Variants in MALRD1 observed in about 807,000 individuals in gnomAD.
MALRD1 encodes the protein MAM and LDL-receptor class A domain-containing protein 1.
In MALRD1, 247 loss-of-function variants were observed where a neutral mutation model predicts 242.1. That is an observed-to-expected ratio of 1.02 (90% CI 0.92 to 1.13). MALRD1 has a LOEUF of 1.13. MALRD1 is among the 50% of genes most tolerant of loss of function. The pLI is 0.00. For synonymous variants in MALRD1, 995 were observed against 866.6 expected, an observed-to-expected ratio of 1.15 and a Z score of -2.60; for missense variants, 2,989 against 2,533.1, an observed-to-expected ratio of 1.18 and a Z score of -3.86.
In MALRD1 at chr10:19,245,295, A is replaced by G. The variant is rs139072666; in HGVS notation, c.2992-12389A>G. Among the ~76,000 whole-genome samples, 276 of 152,252 alleles carry G rather than the reference A, an allele frequency of 1.8e-3. 3 individuals are homozygous for G. The highest frequency in any genetic ancestry group is 6.3e-3 in the African/African-American group (263 of 41,576). Reference sequence around the variant, plus strand: ...GGTAGTAGAAATAAATAGAGAGCTCATCTGAATTACAAATGATTTTTTTGT... The same window carrying G: ...GGTAGTAGAAATAAATAGAGAGCTCGTCTGAATTACAAATGATTTTTTTGT... On this transcript the variant is annotated intron_variant, in intron 18 of 39. Transcript: ENST00000454679.
intron 38 of MALRD1, among the ~76,000 whole-genome samples, chr10:19,703,662 A>T (rs1589422105): frequency 6.6e-6 from 1 of 152,214 alleles, no homozygotes; most frequent in Non-Finnish European, 1.5e-5. Flanking sequence ...TGGGAGGCCA[A>T]GGCGGGTGGA....
chr10:19,280,326 C>T, intron 20 of MALRD1, 103 bp downstream of exon 20: 1 of 862,564 alleles, frequency 1.2e-6, no homozygotes, highest in Non-Finnish European at 1.6e-6. Flanking sequence ...ATATATTCAA[C>T]ATGAGTTAGA....
intron 21 of MALRD1, among the ~76,000 whole-genome samples, chr10:19,309,493 G>C (rs1366966369): frequency 6.6e-6 from 1 of 151,374 alleles, no homozygotes; most frequent in Non-Finnish European, 1.5e-5. Flanking sequence ...TTGTTAAAAG[G>C]TACTATACTG....
intron 28 of MALRD1, among the ~76,000 whole-genome samples, chr10:19,445,942 C>G (rs190590500): frequency 2.2e-4 from 33 of 152,292 alleles, no homozygotes; most frequent in African/African-American, 7.7e-4. Flanking sequence ...GTGGTGGGCT[C>G]CACCCAGATT....
intron 13 of MALRD1, among the ~76,000 whole-genome samples, chr10:19,168,845 C>T (rs879373174): frequency 1.3e-5 from 2 of 152,102 alleles, no homozygotes; most frequent in Non-Finnish European, 2.9e-5. Context: ...TTCGAGGCCT[C>T]GGTCACATTG....
chr10:19,607,455 C>T (rs570914647), intron 34 of MALRD1, among the ~76,000 whole-genome samples: 1 of 152,014 alleles, frequency 6.6e-6, no homozygotes, highest in Non-Finnish European at 1.5e-5. Context: ...CCTTTGTTAC[C>T]TTCTTAAAGC....
At chr10:19,360,055 A>T (rs893324646) in intron 26 of MALRD1, among the ~76,000 whole-genome samples, 2 of 152,078 alleles carry the variant, frequency 1.3e-5, no homozygotes, top group Non-Finnish European at 2.9e-5. Flanking sequence ...TGGGAAATTT[A>T]AAAAGAGAAA....
intron 28 of MALRD1, among the ~76,000 whole-genome samples, chr10:19,422,394 A>C (rs1199768834): frequency 6.6e-6 from 1 of 152,236 alleles, no homozygotes; most frequent in East Asian, 1.9e-4. Context: ...GAGAGTAAAC[A>C]CAGAAAAACA....
intron 28 of MALRD1, among the ~76,000 whole-genome samples, chr10:19,412,339 G>A (rs968905300): frequency 2.6e-5 from 4 of 152,104 alleles, no homozygotes. Flanking sequence ...TTAAATGACA[G>A]CAATGAGCTT....
chr10:19,530,432 A>ATT (rs1554793511), intron 31 of MALRD1, among the ~76,000 whole-genome samples: 17,592 of 40,238 alleles, frequency 0.44, 5,181 homozygotes, highest in Non-Finnish European at 0.59. Context: ...AATATATAAT[A>ATT]TATATAATAT....
chr10:19,355,858 T>TATATATTTATATA (rs57813656), intron 26 of MALRD1, among the ~76,000 whole-genome samples: 1 of 94,924 alleles, frequency 1.1e-5, no homozygotes, highest in African/African-American at 3.7e-5. Context: ...TATATATATA[T>TATATATTTATATA]TATATATGAT....
At chr10:19,488,129 T>C (rs1196795189) in intron 29 of MALRD1, among the ~76,000 whole-genome samples, 1 of 152,234 alleles carries the variant, frequency 6.6e-6, no homozygotes, top group African/African-American at 2.4e-5. Flanking sequence ...TAAGTCACTA[T>C]GAATCTGTGA....
intron 31 of MALRD1, among the ~76,000 whole-genome samples, chr10:19,527,775 GTTA>G (rs1834170754): frequency 6.6e-6 from 1 of 152,128 alleles, no homozygotes; most frequent in African/African-American, 2.4e-5. Flanking sequence ...TACATGAAAA[GTTA>G]TTATAGCTCA....
intron 29 of MALRD1, among the ~76,000 whole-genome samples, chr10:19,487,695 CTG>C (rs1837297875): frequency 6.6e-6 from 1 of 152,070 alleles, no homozygotes; most frequent in Non-Finnish European, 1.5e-5. Flanking sequence ...CTAGGGTTAA[CTG>C]TAAATTCTCG....
At chr10:19,380,617 G>A (rs1006214492) in intron 26 of MALRD1, among the ~76,000 whole-genome samples, 11 of 151,708 alleles carry the variant, frequency 7.3e-5, no homozygotes, top group African/African-American at 9.7e-5. Flanking sequence ...GAAGTTTAAT[G>A]TCCATACATA....
chr10:19,441,321 C>T (rs1589078355), intron 28 of MALRD1, among the ~76,000 whole-genome samples: 1 of 152,274 alleles, frequency 6.6e-6, no homozygotes, highest in East Asian at 1.9e-4. Flanking sequence ...GTTTCTTTTG[C>T]TGTGCAGAAG....
intron 29 of MALRD1, among the ~76,000 whole-genome samples, chr10:19,478,598 C>A (rs1836848981): frequency 6.6e-6 from 1 of 151,566 alleles, no homozygotes; most frequent in South Asian, 2.1e-4. Context: ...TCTTTCCTTG[C>A]AATTTTATAT....
At chr10:19,722,336 T>A (rs1003835986) in intron 38 of MALRD1, 1 of 152,120 alleles carries the variant, frequency 6.6e-6, no homozygotes, top group Non-Finnish European at 1.5e-5. Context: ...ATACCTGTAA[T>A]TCCAGTACGT....
intron 1 of MALRD1, among the ~76,000 whole-genome samples, chr10:19,061,336 C>G (rs1427392461): frequency 6.6e-6 from 1 of 152,078 alleles, no homozygotes; most frequent in African/African-American, 2.4e-5. Flanking sequence ...TTTAATATTG[C>G]TAACATTTCA....
Sources: gnomAD v4.1 joint callset for allele counts (sites outside exome capture counted in the v4.1 genomes callset) on GRCh38, gnomAD v4.1.1 for gene constraint, MANE v1.5 for transcripts, NCBI Gene and HGNC (gene_info 2026-07-23, HGNC 2026-07-21) for gene names.